Variants in RAB38 observed in about 807,000 individuals in gnomAD.
RAB38 encodes ras-related protein Rab-38.
A neutral mutation model predicts 18.4 loss-of-function variants in RAB38; 15 were observed. That is an observed-to-expected ratio of 0.82 (90% CI 0.55 to 1.26). The LOEUF is 1.26. Among genes scored for constraint, RAB38 ranks in the 50% most tolerant of loss-of-function variants. The pLI is 0.00. For missense variants in RAB38, 294 were observed against 267.4 expected, an observed-to-expected ratio of 1.10 and a Z score of -0.69; for synonymous variants, 101 against 104.4, an observed-to-expected ratio of 0.97 and a Z score of 0.20.
the RAB38 span, among the ~76,000 whole-genome samples, chr11:87,912,752 AATT>A: frequency 1.6e-5 from 1 of 63,240 alleles, no homozygotes; most frequent in African/African-American, 4.6e-5. Context: ...CTTTGGGTTT[AATT>A]TTCTTTCTTT....
the RAB38 span, among the ~76,000 whole-genome samples, chr11:88,034,151 A>G: frequency 9.9e-5 from 15 of 152,186 alleles, no homozygotes; most frequent in Non-Finnish European, 1.9e-4. Flanking sequence ...GTTATACTGT[A>G]TGTAACCATT....
chr11:88,089,688 C>G, the RAB38 span, among the ~76,000 whole-genome samples: 8 of 151,894 alleles, frequency 5.3e-5, no homozygotes, highest in African/African-American at 1.9e-4. Flanking sequence ...ACTTAAAAAA[C>G]CTCTCTATGA....
At chr11:87,921,389 C>T in the RAB38 span, among the ~76,000 whole-genome samples, 142 of 151,842 alleles carry the variant, frequency 9.4e-4, no homozygotes, top group African/African-American at 3.0e-3. Context: ...CAGATGATTT[C>T]GCCCAACCGT....
chr11:87,976,789 AAT>A, the RAB38 span, among the ~76,000 whole-genome samples: 23 of 109,032 alleles, frequency 2.1e-4, no homozygotes, highest in African/African-American at 9.0e-4. Flanking sequence ...TATATTATAT[AAT>A]ATATACTTAT....
the RAB38 span, among the ~76,000 whole-genome samples, chr11:88,045,128 G>A: frequency 2.0e-5 from 3 of 152,134 alleles, no homozygotes; most frequent in African/African-American, 4.8e-5. Flanking sequence ...CAGCAACCCT[G>A]AGATGCTTTA....
chr11:88,136,291 C>G (rs577869265), intron 2 of RAB38, among the ~76,000 whole-genome samples: 64 of 152,178 alleles, frequency 4.2e-4, no homozygotes, highest in African/African-American at 1.5e-3. Context: ...ACCTCGGTAG[C>G]AGTGAAGTAG....
the RAB38 span, among the ~76,000 whole-genome samples, chr11:88,099,471 G>C: frequency 0.23 from 35,537 of 151,696 alleles, 5,210 homozygotes; most frequent in East Asian, 0.43. Flanking sequence ...ACTTCAAATA[G>C]ATACAAGTGG....
chr11:88,027,009 AT>A, the RAB38 span, among the ~76,000 whole-genome samples: 1 of 152,166 alleles, frequency 6.6e-6, no homozygotes, highest in South Asian at 2.1e-4. Context: ...ATGACCTCAC[AT>A]TTTTTAAATT....
At chr11:88,008,281 A>G in the RAB38 span, among the ~76,000 whole-genome samples, 1 of 152,150 alleles carries the variant, frequency 6.6e-6, no homozygotes, top group Admixed American at 6.5e-5. Context: ...TAGAAAATTA[A>G]ATATATTATA....
chr11:87,903,928 A>T, the RAB38 span, among the ~76,000 whole-genome samples: 1 of 148,906 alleles, frequency 6.7e-6, no homozygotes, highest in Non-Finnish European at 1.5e-5. Context: ...CTTTTTCTTT[A>T]TTTGTCTGGG....
the RAB38 span, among the ~76,000 whole-genome samples, chr11:88,054,436 G>T: frequency 2.6e-5 from 4 of 152,190 alleles, no homozygotes; most frequent in Non-Finnish European, 2.9e-5. Flanking sequence ...TGGAGTATTA[G>T]TTTGAATTTT....
At chr11:88,118,606 G>T (rs1478820544) in intron 2 of RAB38, among the ~76,000 whole-genome samples, 1 of 152,082 alleles carries the variant, frequency 6.6e-6, no homozygotes, top group Admixed American at 6.5e-5. Flanking sequence ...CATCTCCAGG[G>T]GCATCTTTTG....
At chr11:88,036,645 ATATGT>A in the RAB38 span, among the ~76,000 whole-genome samples, 2 of 152,064 alleles carry the variant, frequency 1.3e-5, no homozygotes, top group Non-Finnish European at 2.9e-5. Flanking sequence ...TTCTATATAA[ATATGT>A]TATCAATCAA....
At chr11:88,136,505 A>G (rs1942836675) in intron 2 of RAB38, among the ~76,000 whole-genome samples, 1 of 152,224 alleles carries the variant, frequency 6.6e-6, no homozygotes, top group African/African-American at 2.4e-5. Flanking sequence ...AAAACAAGGA[A>G]GCCACTCTGC....
At chr11:87,959,619 C>T in the RAB38 span, among the ~76,000 whole-genome samples, 2 of 152,190 alleles carry the variant, frequency 1.3e-5, no homozygotes, top group Non-Finnish European at 2.9e-5. Context: ...ATTCTCCAGC[C>T]TCCCACCAGT....
At chr11:87,955,755 A>C in the RAB38 span, among the ~76,000 whole-genome samples, 1 of 152,020 alleles carries the variant, frequency 6.6e-6, no homozygotes, top group Non-Finnish European at 1.5e-5. Context: ...CTGTCATCCG[A>C]AAGTGAATAT....
the RAB38 span, among the ~76,000 whole-genome samples, chr11:87,853,734 G>A: frequency 3.3e-5 from 5 of 152,174 alleles, no homozygotes; most frequent in Non-Finnish European, 7.4e-5. Flanking sequence ...AAATTCTGAT[G>A]TATTCATTTT....
chr11:87,857,404 G>A, the RAB38 span, among the ~76,000 whole-genome samples: 2 of 152,132 alleles, frequency 1.3e-5, no homozygotes, highest in East Asian at 1.9e-4. Flanking sequence ...GGGTCAAATG[G>A]TATTTCTAGT....
chr11:87,929,090 G>A, the RAB38 span, among the ~76,000 whole-genome samples: 1 of 151,920 alleles, frequency 6.6e-6, no homozygotes, highest in Non-Finnish European at 1.5e-5. Flanking sequence ...CCTCCAGCCT[G>A]GGCAACAAAG....
Sources: allele counts gnomAD v4.1 joint callset (sites outside exome capture counted in the v4.1 genomes callset), GRCh38; gene constraint gnomAD v4.1.1; transcripts MANE v1.5; gene names NCBI Gene and HGNC (gene_info 2026-07-23, HGNC 2026-07-21).